The following NPEPL1 variants were observed in gnomAD, a reference collection of about 807,000 sequenced individuals.
The protein encoded by NPEPL1 is aminopeptidase like 1.
Under a neutral mutation model 52.4 loss-of-function variants are expected in NPEPL1, and 45 were observed. That is an observed-to-expected ratio of 0.86 (90% CI 0.68 to 1.10). The LOEUF (loss-of-function observed/expected upper bound fraction) is 1.10, where lower values mean the gene tolerates loss of function less well. NPEPL1 is among the 50% of genes least tolerant of loss of function. NPEPL1 has a pLI of 0.00. For synonymous variants in NPEPL1, 360 were observed against 314.7 expected (o/e 1.14, Z -1.52); for missense variants, 696 against 710.9 (o/e 0.98, Z 0.24).
At chr20:58,693,456 C>T (rs944389619) in intron 1 of NPEPL1, 2 of 335,826 alleles carry the variant, frequency 6.0e-6, no homozygotes, top group Middle Eastern at 7.8e-4. Flanking sequence ...TGGTGGAAGC[C>T]GCCTAAGCCC....
At chr20:58,703,947 G>T (rs1601116991) in intron 6 of NPEPL1, 2 of 985,248 alleles carry the variant, frequency 2.0e-6, no homozygotes, top group African/African-American at 1.7e-5. Flanking sequence ...GGAAGAGCTG[G>T]GTGTTCTGGC....
Position 58,698,703 on chromosome 20 carries a change from A to T in NPEPL1, c.527A>T (p.Asp176Val). The T allele has an allele frequency of 6.2e-7, 1 of 1,612,826 alleles. No homozygotes were observed. The highest frequency in any genetic ancestry group is 8.5e-7 in the Non-Finnish European group (1 of 1,179,820). The change falls in exon 4 of 12, where the codon GAC becomes GTC. Residue 176 changes from aspartate (D) to valine (V), a missense_variant. Physicochemically the swap from Asp to Val is radical, Grantham distance 152. Coordinates refer to ENST00000356091, the MANE Select transcript of NPEPL1 (RefSeq NM_024663.4). ...STLQCLANAT[D>V]GVRLAARIVD... ...CCCTAGTGCTTAGCGAATGCCACAG[A>T]CGGCGTGCGGCTAGCAGCCCGCATC...
chr20:58,713,653 C>T lies in NPEPL1; in HGVS notation c.1125+110C>T. ...GTGGGGGCTGCCGTCAGGAAGTTTT[C>T]ATAACTGGGCACGAGGAGGCAGGAG... is the stretch of plus-strand genomic sequence containing the variant. On this transcript the variant is annotated intron_variant, in intron 9 of 11. Coordinates refer to ENST00000356091, the MANE Select transcript of NPEPL1 (RefSeq NM_024663.4). The surrounding 1 kb of genome is among the most constrained non-coding windows in gnomAD (Gnocchi z 4.6). The T allele has an allele frequency of 7.2e-7, 1 of 1,386,472 alleles. No homozygotes were observed. The highest frequency in any genetic ancestry group is 1.5e-5 in the South Asian group (1 of 65,264). 85.9% of individuals were successfully genotyped at this position (1,386,472 alleles called of 1,614,324 possible).
rs528596459 is a variant in NPEPL1 at position 58,693,313 on chromosome 20, C to CG, written c.150+271dup. The CG allele has an allele frequency of 8.4e-3, 1,384 of 164,954 alleles. 26 individuals are homozygous for CG. The highest frequency in any genetic ancestry group is 0.031 in the African/African-American group (1,278 of 41,828). The allele number at this position is 164,954 out of a possible 1,614,324, so 10.2% of individuals were successfully genotyped here. ...GCGAGGCCGCGACACCTGCGGACGG[C>CG]GGGGGGGGAGACGTGGCCGCTCCCA... On this transcript the variant is annotated intron_variant, in intron 1 of 11. Coordinates refer to ENST00000356091, the MANE Select transcript of NPEPL1 (RefSeq NM_024663.4).
upstream of NPEPL1, chr20:58,691,470 G>A: frequency 3.0e-6 from 2 of 676,676 alleles, no homozygotes; most frequent in Middle Eastern, 4.7e-4. Flanking sequence ...CCTGCCTTCA[G>A]GATGCTGAAG....
At position 58,714,671 on chromosome 20, in the gene NPEPL1, G is replaced by A; in HGVS notation, c.1413+1G>A. ...GGACATTGCTGCACCGGTGCATGCTGTGAGTGTCTCCCCTCCCCACTGGCC... is the reference window on the plus strand; with the variant it reads ...GGACATTGCTGCACCGGTGCATGCTATGAGTGTCTCCCCTCCCCACTGGCC... On this transcript the variant is annotated splice_donor_variant, in intron 11 of 11. Coordinates refer to ENST00000356091, the MANE Select transcript of NPEPL1 (RefSeq NM_024663.4). LOFTEE classifies it high-confidence loss of function. 1 of 1,582,540 alleles carries A rather than the reference G, an allele frequency of 6.3e-7. No individual in the cohort carries two copies. Among genetic ancestry groups the A allele is most frequent in the Non-Finnish European group, 8.6e-7 (1 of 1,166,024 alleles).
chr20:58,714,042 G>A lies in NPEPL1; in HGVS notation c.1251G>A (p.Leu417=). ...ACCCGCTGGTCTACTGCCCCGAGCTGCACTTCAGCGAGTTCACCTCAGCTG... is the reference window on the plus strand; with the variant it reads ...ACCCGCTGGTCTACTGCCCCGAGCTACACTTCAGCGAGTTCACCTCAGCTG... ...LVHPLVYCPE[L]HFSEFTSAVA... is the part of the protein sequence containing the mutation. The change falls in exon 10 of 12, where the codon CTG becomes CTA. Residue 417 remains leucine (L), a synonymous_variant. Transcript: ENST00000356091. 1 of 1,541,634 alleles carries A rather than the reference G, an allele frequency of 6.5e-7. No homozygotes were observed. Among genetic ancestry groups the A allele is most frequent in the South Asian group, 1.2e-5 (1 of 82,070 alleles).
At chr20:58,700,472 GCT>G (rs1332665291) in intron 5 of NPEPL1, among the ~76,000 whole-genome samples, 1 of 152,196 alleles carries the variant, frequency 6.6e-6, no homozygotes, top group Non-Finnish European at 1.5e-5. Flanking sequence ...GCCATGATTA[GCT>G]CTCGTCATTG....
intron 1 of NPEPL1, 76 bp downstream of exon 1, chr20:58,693,126 C>T (rs1302236645): frequency 4.7e-5 from 44 of 941,204 alleles, no homozygotes; most frequent in Non-Finnish European, 5.4e-5. Context: ...GGCCCCGCCT[C>T]GCCCGCCGCA....
intron 6 of NPEPL1, among the ~76,000 whole-genome samples, chr20:58,702,654 T>C (rs2084657114): frequency 6.6e-6 from 1 of 152,182 alleles, no homozygotes; most frequent in Non-Finnish European, 1.5e-5. Flanking sequence ...AATGGTTTCA[T>C]TTAAATTGAT....
chr20:58,693,854 T>TCGGCCGCC lies in NPEPL1; in HGVS notation c.270_277dup (p.His93ArgfsTer23), dbSNP rs1279524212. The TCGGCCGCC allele has an allele frequency of 6.2e-7, 1 of 1,613,404 alleles. No homozygotes were observed. The highest frequency in any genetic ancestry group is 2.2e-5 in the East Asian group (1 of 44,866). Reference sequence around the variant, plus strand: ...CAGGGTGAGCCGGCACAACAGCCCCTCGGCCGCCCACTTCATCACGCGGCT... The same window carrying TCGGCCGCC: ...CAGGGTGAGCCGGCACAACAGCCCCTCGGCCGCCCGGCCGCCCACTTCATCACGCGGCT... On this transcript the variant is annotated frameshift_variant, in exon 2 of 12. Transcript: ENST00000356091. LOFTEE classifies it high-confidence loss of function.
At position 58,701,108 on chromosome 20, in the gene NPEPL1, G is replaced by C; in HGVS notation, c.772G>C (p.Val258Leu). 1 of 1,591,262 alleles carries C rather than the reference G, an allele frequency of 6.3e-7. No homozygotes were observed. The highest frequency in any genetic ancestry group is 1.2e-5 in the South Asian group (1 of 86,950). ...PDGATQTIAW[V>L]GKGIVYDTGG... The stretch of plus-strand genomic sequence containing the variant: ...TGGAGCCACGCAGACCATCGCCTGG[G>C]TGGGCAAAGGCATCGTCTATGACAC... Residue 258 changes from valine to leucine, a missense_variant, in exon 6 of 12, where the codon GTG becomes CTG. Coordinates refer to ENST00000356091, the MANE Select transcript of NPEPL1 (RefSeq NM_024663.4).
chr20:58,709,145 CTA>C (rs2084789650), intron 7 of NPEPL1, among the ~76,000 whole-genome samples: 1 of 151,918 alleles, frequency 6.6e-6, no homozygotes, highest in Non-Finnish European at 1.5e-5. Flanking sequence ...AGGAGCACCT[CTA>C]GATTTGAGGG....
rs1405357747 is a variant in NPEPL1, at chr20:58,693,918, T to C, written c.332T>C (p.Ile111Thr). The C allele has an allele frequency of 6.3e-7, 1 of 1,592,836 alleles. No individual in the cohort carries two copies. The highest frequency in any genetic ancestry group is 8.6e-7 in the Non-Finnish European group (1 of 1,168,254). ...TCLPPGAHRC[I>T]VMVCEQPEVF... ...CTGCCGCCCGGAGCGCATCGCTGCA[T>C]TGTGGTGAGTGCTTCGAGAGGAGGC... The change falls in exon 2 of 12, where the codon ATT (isoleucine) becomes ACT (threonine). Residue 111 changes from isoleucine to threonine, a missense_variant. Physicochemically the swap from Ile to Thr is moderately conservative, Grantham distance 89. Coordinates refer to ENST00000356091, the MANE Select transcript of NPEPL1 (RefSeq NM_024663.4).
chr20:58,698,864 C>A, intron 4 of NPEPL1, 91 bp downstream of exon 4: 1 of 1,104,162 alleles, frequency 9.1e-7, no homozygotes, highest in South Asian at 1.4e-5. Context: ...GGGCTGTCCA[C>A]ACCCTGACGT....
At position 58,715,486 on chromosome 20, in the gene NPEPL1, G is replaced by A. The variant is rs1262312029; in HGVS notation, c.*160G>A. 2 of 760,778 alleles carry A rather than the reference G, an allele frequency of 2.6e-6. No homozygotes were observed. Among genetic ancestry groups the A allele is most frequent in the Non-Finnish European group, 4.0e-6 (2 of 502,504 alleles). 47.1% of individuals were successfully genotyped at this position (760,778 alleles called of 1,614,324 possible). A position where few individuals can be genotyped will look rare whatever the true frequency, so the allele number is the denominator to read the frequency against. ...CTGAAGTTTTAGGAGACAGCTTAGG[G>A]TTTGGTGCGGGCCACGGGGAGGGGA... On this transcript the variant is annotated 3_prime_UTR_variant, in exon 12 of 12. Transcript: ENST00000356091.
chr20:58,694,384 C>T, intron 2 of NPEPL1, 38 bp from the exon 3 acceptor site: 1 of 1,563,290 alleles, frequency 6.4e-7, no homozygotes, highest in Non-Finnish European at 8.6e-7. Flanking sequence ...CTGGTGGCGG[C>T]CCTTGCACCC....
chr20:58,693,633 TC>T (rs1399034074), intron 1 of NPEPL1, 103 bp from the exon 2 acceptor site: 1 of 1,035,742 alleles, frequency 9.7e-7, no homozygotes, highest in Non-Finnish European at 1.4e-6. Flanking sequence ...GCAGTGCCCT[TC>T]CAGGACTGCA....
At chr20:58,694,211 G>C (rs62203764) in intron 2 of NPEPL1, among the ~76,000 whole-genome samples, 50,872 of 152,056 alleles carry the variant, frequency 0.33, 9,072 homozygotes, top group East Asian at 0.41. Flanking sequence ...ACATCTGGTG[G>C]CCAATGTGTT....
Sources: gnomAD v4.1 joint callset for allele counts (sites outside exome capture counted in the v4.1 genomes callset) on GRCh38, gnomAD v4.1.1 for gene constraint, Gnocchi (gnomAD v3.1) non-coding constraint, MANE v1.5 for transcripts, NCBI Gene and HGNC (gene_info 2026-07-23, HGNC 2026-07-21) for gene names.